PDZD2: variants seen among roughly 807,000 people sequenced by gnomAD.
PDZD2 encodes the protein PDZ domain-containing protein 2.
A neutral mutation model predicts 220.7 loss-of-function variants in PDZD2; 90 were observed. The ratio of observed to expected loss-of-function variants is 0.41; its 90% confidence interval spans 0.34 to 0.49. PDZD2 has a LOEUF of 0.49. Among genes scored for constraint, PDZD2 ranks in the 20% least tolerant of loss-of-function variants. The pLI is 0.28. For missense variants in PDZD2, 3,174 were observed against 3,608.5 expected, an observed-to-expected ratio of 0.88 and a Z score of 3.08; for synonymous variants, 1,375 against 1,450.5, an observed-to-expected ratio of 0.95 and a Z score of 1.18.
At chr5:31,768,191 G>C (rs1362177651) in intron 1 of PDZD2, among the ~76,000 whole-genome samples, 1 of 152,180 alleles carries the variant, frequency 6.6e-6, no homozygotes, top group Non-Finnish European at 1.5e-5. Context: ...TGTGGTTCAG[G>C]CAAACAGTTG....
rs116533951 is a variant in PDZD2, at chr5:31,837,838, G to T, written c.476+38114G>T. On this transcript the variant is annotated intron_variant, in intron 2 of 24. Transcript: ENST00000438447. ...ATAGGTAGAGGCTGCAGTGAGCTGA[G>T]ATCGCACCACTGCCCTTTGGCCTGG... Among the ~76,000 whole-genome samples, 987 of 152,282 alleles carry T rather than the reference G, an allele frequency of 6.5e-3. 13 individuals carry two copies. The highest frequency in any genetic ancestry group is 0.022 in the African/African-American group (916 of 41,570).
chr5:31,828,542 C>T (rs1418340571), intron 2 of PDZD2, among the ~76,000 whole-genome samples: 2 of 152,308 alleles, frequency 1.3e-5, no homozygotes, highest in East Asian at 1.9e-4. Context: ...GCCTGGAGTG[C>T]AGTGGCATGA....
At chr5:31,895,569 A>T (rs1741470376) in intron 2 of PDZD2, among the ~76,000 whole-genome samples, 1 of 152,242 alleles carries the variant, frequency 6.6e-6, no homozygotes, top group Middle Eastern at 3.2e-3. Flanking sequence ...ATACCAAGAT[A>T]CTTTTAGCTC....
intron 6 of PDZD2, among the ~76,000 whole-genome samples, chr5:32,026,390 C>G (rs542252993): frequency 6.6e-6 from 1 of 152,040 alleles, no homozygotes; most frequent in African/African-American, 2.4e-5. Context: ...CGCCCGCCTC[C>G]GCCTCCCAAA....
intron 1 of PDZD2, among the ~76,000 whole-genome samples, chr5:31,693,155 G>A (rs1284900665): frequency 4.0e-5 from 6 of 150,342 alleles, no homozygotes; most frequent in Non-Finnish European, 8.9e-5. Flanking sequence ...GGAGCTAAGA[G>A]TGGTGAAGAG....
chr5:31,654,549 T>G (rs1194245171), intron 1 of PDZD2, among the ~76,000 whole-genome samples: 1 of 152,198 alleles, frequency 6.6e-6, no homozygotes, highest in Non-Finnish European at 1.5e-5. Context: ...TGTATAATTA[T>G]CTACTTGACC....
chr5:31,876,159 T>G lies in PDZD2; in HGVS notation c.476+76435T>G, dbSNP rs1739278136. On this transcript the variant is annotated intron_variant, in intron 2 of 24. Coordinates refer to ENST00000438447, the MANE Select transcript of PDZD2 (RefSeq NM_178140.4). ...AAAGTTTTATGATTTCTTATTAAAG[T>G]TTCTTTTAGACTTGTGTCTATGTAC... is the stretch of plus-strand genomic sequence containing the variant. Among the ~76,000 whole-genome samples the G allele has an allele frequency of 2.6e-5, 4 of 152,300 alleles. No individual in the cohort carries two copies. In the South Asian group the frequency reaches 8.3e-4, roughly 32 times the overall value.
intron 2 of PDZD2, among the ~76,000 whole-genome samples, chr5:31,829,009 T>C (rs1756393600): frequency 6.6e-6 from 1 of 152,206 alleles, no homozygotes; most frequent in South Asian, 2.1e-4. Context: ...TCAAGTCAAG[T>C]AAGGAGAAAC....
intron 2 of PDZD2, among the ~76,000 whole-genome samples, chr5:31,905,694 G>A (rs1239637065): frequency 6.6e-6 from 1 of 152,218 alleles, no homozygotes; most frequent in African/African-American, 2.4e-5. Flanking sequence ...GATTTATTCA[G>A]GTATTGGGTA....
rs377712171 is a variant in PDZD2, at chr5:31,831,728, C to A, written c.476+32004C>A. 7.2e-4 allele frequency among the ~76,000 whole-genome samples: 104 copies of A among 144,630 alleles called. 2 individuals carry two copies. In the South Asian group the frequency reaches 9.5e-3, roughly 13 times the overall value. The allele number at this position is 144,630 out of a possible 152,430, so 94.9% of individuals were successfully genotyped here. On this transcript the variant is annotated intron_variant, in intron 2 of 24. Coordinates refer to ENST00000438447, the MANE Select transcript of PDZD2 (RefSeq NM_178140.4). ...GCGCCACTGCACTCCAGCTTGGCGA[C>A]AGAGCAAGACTCCATCTCAGAAAAA... is the stretch of plus-strand genomic sequence containing the variant.
intron 1 of PDZD2, among the ~76,000 whole-genome samples, chr5:31,691,264 C>A (rs568606628): frequency 4.6e-5 from 7 of 151,418 alleles, no homozygotes; most frequent in African/African-American, 1.7e-4. Flanking sequence ...TCGTTCCTCC[C>A]GGTGGGCTCG....
At chr5:31,900,100 A>G (rs1741940929) in intron 2 of PDZD2, among the ~76,000 whole-genome samples, 7 of 152,244 alleles carry the variant, frequency 4.6e-5, no homozygotes, top group Admixed American at 4.6e-4. Flanking sequence ...ACAGCAAATG[A>G]CGTAGTGAAC....
intron 16 of PDZD2, among the ~76,000 whole-genome samples, chr5:32,071,896 C>T (rs1476597201): frequency 6.6e-6 from 1 of 152,294 alleles, no homozygotes; most frequent in Non-Finnish European, 1.5e-5. Flanking sequence ...TGATGTGTTG[C>T]TGCTGTGGCT....
At chr5:31,883,785 A>G (rs562556284) in intron 2 of PDZD2, among the ~76,000 whole-genome samples, 1 of 152,038 alleles carries the variant, frequency 6.6e-6, no homozygotes, top group South Asian at 2.1e-4. Flanking sequence ...TATTTTTAGT[A>G]GGGGTGAGGT....
At chr5:31,720,741 G>A (rs1748739049) in intron 1 of PDZD2, among the ~76,000 whole-genome samples, 1 of 152,186 alleles carries the variant, frequency 6.6e-6, no homozygotes, top group South Asian at 2.1e-4. Context: ...TCTCTGTGCA[G>A]TGTTCTTTCC....
At position 31,923,123 on chromosome 5, in the gene PDZD2, G is replaced by A. The variant is rs574716980; in HGVS notation, c.477-60032G>A. Among the ~76,000 whole-genome samples, 23 of 152,014 alleles carry A rather than the reference G, an allele frequency of 1.5e-4. No individual in the cohort carries two copies. The East Asian group carries it at 3.9e-3, about 26-fold the overall frequency. On this transcript the variant is annotated intron_variant, in intron 2 of 24. Transcript: ENST00000438447. Reference sequence around the variant, plus strand: ...GCCTGGCCAACATGGTGAAACCCCCGTCTATACTAAAAATGCAAAAAATTA... The same window carrying A: ...GCCTGGCCAACATGGTGAAACCCCCATCTATACTAAAAATGCAAAAAATTA...
At chr5:32,011,915 A>G (rs962822038) in intron 6 of PDZD2, among the ~76,000 whole-genome samples, 23 of 152,190 alleles carry the variant, frequency 1.5e-4, no homozygotes, top group Admixed American at 9.2e-4. Flanking sequence ...ATAAGCTTTT[A>G]GATTTATTAT....
At chr5:31,704,251 G>A (rs918479826) in intron 1 of PDZD2, among the ~76,000 whole-genome samples, 1 of 152,104 alleles carries the variant, frequency 6.6e-6, no homozygotes, top group African/African-American at 2.4e-5. Context: ...GGGCTCAAGC[G>A]ATCTGCCAAC....
At chr5:32,007,556 G>A (rs1211214607) in intron 5 of PDZD2, among the ~76,000 whole-genome samples, 1 of 152,126 alleles carries the variant, frequency 6.6e-6, no homozygotes, top group East Asian at 1.9e-4. Flanking sequence ...TGGAACCAAC[G>A]TGAAACTAGT....
Sources: gnomAD v4.1 joint callset for allele counts (sites outside exome capture counted in the v4.1 genomes callset) on GRCh38, gnomAD v4.1.1 for gene constraint, MANE v1.5 for transcripts, NCBI Gene and HGNC (gene_info 2026-07-23, HGNC 2026-07-21) for gene names.